DCDC2C: variants seen among roughly 807,000 people sequenced by gnomAD.
DCDC2C encodes doublecortin domain-containing protein 2C.
Under a neutral mutation model 45.0 loss-of-function variants are expected in DCDC2C, and 44 were observed. The observed-to-expected ratio is 0.98, with a 90% CI of 0.77 to 1.26. The LOEUF (loss-of-function observed/expected upper bound fraction) is 1.26. Ranked by LOEUF, DCDC2C falls within the 50% of genes most tolerant of loss-of-function variation. The probability of loss-of-function intolerance (pLI) is 0.00; values close to 1 mark genes in which losing one functional copy is unlikely to be tolerated. For missense variants in DCDC2C, 447 were observed against 468.9 expected (o/e 0.95, Z 0.43); for synonymous variants, 187 against 178.8 (o/e 1.05, Z -0.37).
chr2:3,791,357 G>A (rs1182901202), intron 10 of DCDC2C, among the ~76,000 whole-genome samples: 1 of 152,022 alleles, frequency 6.6e-6, no homozygotes, highest in African/African-American at 2.4e-5. Context: ...ACACGGTATT[G>A]CATTAGCGTT....
At position 3,713,658 on chromosome 2, in the gene DCDC2C, A is replaced by T. The variant is rs1668278599; in HGVS notation, c.339+5058A>T. Among the ~76,000 whole-genome samples the T allele has an allele frequency of 2.6e-5, 4 of 152,172 alleles. No individual in the cohort carries two copies. The South Asian group carries it at 8.3e-4, about 32-fold the overall frequency. On this transcript the variant is annotated intron_variant, in intron 2 of 10. Coordinates refer to ENST00000399143, the MANE Select transcript of DCDC2C (RefSeq NM_001287444.2). The stretch of plus-strand genomic sequence containing the variant: ...GTTTACAGTAGCATTTTGTTTTTAA[A>T]TTACGAAATGTTGGGGACAACCTGA...
At position 3,703,764 on chromosome 2, in the gene DCDC2C, G is replaced by A. The variant is rs2148030979; in HGVS notation, c.13G>A (p.Gly5Arg). The change falls in exon 1 of 11, where the codon GGG becomes AGG. Residue 5 changes from glycine (G) to arginine (R), a missense_variant. By Grantham distance (125) the Gly-to-Arg change is moderately radical. Coordinates refer to ENST00000399143, the MANE Select transcript of DCDC2C (RefSeq NM_001287444.2). This position sits in a 1 kb window ranked among gnomAD's most constrained non-coding sequence, Gnocchi z 4.4. MGTR[G>R]PSAPVDTTPA... The stretch of plus-strand genomic sequence containing the variant: ...GCGGGGCGCGGCTATGGGAACCCGC[G>A]GGCCCTCCGCGCCGGTGGACACCAC... The A allele has an allele frequency of 8.1e-7, 1 of 1,233,528 alleles. No individual in the cohort carries two copies. Among genetic ancestry groups the A allele is most frequent in the Non-Finnish European group, 1.0e-6 (1 of 987,724 alleles). The allele number at this position is 1,233,528 out of a possible 1,614,324, so 76.4% of individuals were successfully genotyped here. A position where few individuals can be genotyped will look rare whatever the true frequency, so the allele number is the denominator to read the frequency against.
Position 3,742,126 on chromosome 2 carries a change from G to A in DCDC2C, c.545+78G>A, listed in dbSNP as rs998559837. 2.1e-5 allele frequency: 29 copies of A among 1,411,150 alleles called. No individual in the cohort carries two copies. In the African/African-American group the frequency reaches 3.8e-4, roughly 18 times the overall value. 87.4% of individuals were successfully genotyped at this position (1,411,150 alleles called of 1,614,324 possible). A position where few individuals can be genotyped will look rare whatever the true frequency, so the allele number is the denominator to read the frequency against. ...TCTTTCTATGAGAGTTTTCTGCCTG[G>A]ACCAGCAAGGTCTAAAATGATTCAC... On this transcript the variant is annotated intron_variant, in intron 4 of 10. Transcript: ENST00000399143.
chr2:3,834,498 G>C (rs1672028086), intron 10 of DCDC2C, among the ~76,000 whole-genome samples: 3 of 152,176 alleles, frequency 2.0e-5, no homozygotes, highest in Admixed American at 2.0e-4. Context: ...ACTTCCTCCA[G>C]ACATCTTTCT....
intron 10 of DCDC2C, among the ~76,000 whole-genome samples, chr2:3,790,081 C>T (rs1317542612): frequency 6.6e-6 from 1 of 152,170 alleles, no homozygotes; most frequent in Admixed American, 6.5e-5. Context: ...TTGAAATCCA[C>T]CAGACTGACG....
rs1352591342 is a variant in DCDC2C at position 3,785,540 on chromosome 2, G to C, written c.1065+440G>C. Among the ~76,000 whole-genome samples, 3 of 152,156 alleles carry C rather than the reference G, an allele frequency of 2.0e-5. No individual in the cohort carries two copies. The East Asian group carries it at 5.8e-4, about 30-fold the overall frequency. On this transcript the variant is annotated intron_variant, in intron 10 of 10. Coordinates refer to ENST00000399143, the MANE Select transcript of DCDC2C (RefSeq NM_001287444.2). ...AAGGATGGATGTGCTTGCCTGGCGA[G>C]AGCAAGGGAGTGGGGGGCTCACAGC...
At chr2:3,732,426 A>G (rs1172895916) in intron 3 of DCDC2C, among the ~76,000 whole-genome samples, 1 of 152,038 alleles carries the variant, frequency 6.6e-6, no homozygotes, top group Non-Finnish European at 1.5e-5. Context: ...CTATGTATAT[A>G]TGATATAATA....
At chr2:3,765,944 G>A (rs545920099) in intron 6 of DCDC2C, among the ~76,000 whole-genome samples, 4 of 152,254 alleles carry the variant, frequency 2.6e-5, no homozygotes, top group Admixed American at 2.6e-4. Flanking sequence ...CAGAAATAAG[G>A]TATTTGCAAA....
chr2:3,806,801 C>A (rs918723855), intron 10 of DCDC2C, among the ~76,000 whole-genome samples: 1 of 152,072 alleles, frequency 6.6e-6, no homozygotes, highest in African/African-American at 2.4e-5. Context: ...CCCACCTTGG[C>A]CCTGCAAAGT....
chr2:3,727,026 T>C lies in DCDC2C; in HGVS notation c.363T>C (p.Asp121=). The C allele has an allele frequency of 6.4e-6, 10 of 1,550,566 alleles. No individual in the cohort carries two copies. The highest frequency in any genetic ancestry group is 8.7e-6 in the Non-Finnish European group (10 of 1,146,964). The change falls in exon 3 of 11, where the codon GAT becomes GAC. Residue 121 remains aspartate, a synonymous_variant. Coordinates refer to ENST00000399143, the MANE Select transcript of DCDC2C (RefSeq NM_001287444.2). ...AGATCAAACCAGTGGTGCATTGTGA[T>C]ATAAATGTGCCTTCCAAGTGGCAAA... is the stretch of plus-strand genomic sequence containing the variant. ...LKEIKPVVHC[D]INVPSKWQTY... is the part of the protein sequence containing the mutation.
intron 8 of DCDC2C, among the ~76,000 whole-genome samples, chr2:3,769,671 T>C (rs1446521228): frequency 2.6e-5 from 4 of 152,226 alleles, no homozygotes; most frequent in Admixed American, 2.6e-4. Flanking sequence ...TTCATCATTA[T>C]TTGATGATTG....
At chr2:3,812,529 C>T (rs530060630) in intron 10 of DCDC2C, among the ~76,000 whole-genome samples, 49 of 151,894 alleles carry the variant, frequency 3.2e-4, no homozygotes, top group East Asian at 5.8e-4. Flanking sequence ...TTCAAAAAAC[C>T]GGCTCCTGGA....
chr2:3,781,712 TA>T (rs1670513448), intron 9 of DCDC2C, among the ~76,000 whole-genome samples: 1 of 151,136 alleles, frequency 6.6e-6, no homozygotes, highest in African/African-American at 2.4e-5. Flanking sequence ...ATTAGTGAAA[TA>T]AAAAAAGGTA....
chr2:3,739,849 C>G (rs921251270), intron 3 of DCDC2C, among the ~76,000 whole-genome samples: 12 of 152,216 alleles, frequency 7.9e-5, no homozygotes, highest in African/African-American at 2.9e-4. Flanking sequence ...CAAAGAGCAG[C>G]CTGTAACACA....
chr2:3,836,773 A>G (rs1672086109), intron 10 of DCDC2C, among the ~76,000 whole-genome samples: 1 of 151,942 alleles, frequency 6.6e-6, no homozygotes, highest in South Asian at 2.1e-4. Context: ...GAGGCAGGAG[A>G]ATGACGTGAA....
chr2:3,824,298 G>T (rs13017751), intron 10 of DCDC2C, among the ~76,000 whole-genome samples: 31,728 of 152,146 alleles, frequency 0.21, 3,799 homozygotes, highest in African/African-American at 0.33. Context: ...CAAAGTGCCA[G>T]AGAGGGAGTA....
At chr2:3,717,099 C>T (rs1027135479) in intron 2 of DCDC2C, among the ~76,000 whole-genome samples, 4 of 152,108 alleles carry the variant, frequency 2.6e-5, no homozygotes, top group Non-Finnish European at 5.9e-5. Flanking sequence ...GGACTGTTGT[C>T]ATTGCCTGTC....
At chr2:3,740,216 A>ATTTATTT (rs1463883716) in intron 3 of DCDC2C, among the ~76,000 whole-genome samples, 1 of 152,256 alleles carries the variant, frequency 6.6e-6, no homozygotes, top group Non-Finnish European at 1.5e-5. Flanking sequence ...TAATTTATTT[A>ATTTATTT]ACCAGTCATC....
chr2:3,791,212 A>T (rs1670802170), intron 10 of DCDC2C, among the ~76,000 whole-genome samples: 2 of 152,264 alleles, frequency 1.3e-5, no homozygotes, highest in South Asian at 4.1e-4. Context: ...TTTTCACTTA[A>T]AAACAGAAAA....
Sources: gnomAD v4.1 joint callset for allele counts (sites outside exome capture counted in the v4.1 genomes callset) on GRCh38, gnomAD v4.1.1 for gene constraint, Gnocchi (gnomAD v3.1) non-coding constraint, MANE v1.5 for transcripts, NCBI Gene and HGNC (gene_info 2026-07-23, HGNC 2026-07-21) for gene names.